KCNJ3: variants seen among roughly 807,000 people sequenced by gnomAD.
KCNJ3 encodes the protein potassium inwardly rectifying channel subfamily J member 3, also known as G protein-activated inward rectifier potassium channel 1.
KCNJ3 carries 4 observed loss-of-function variants against 39.2 expected under a neutral mutation model. That is an observed-to-expected ratio of 0.10 (90% CI 0.05 to 0.23). KCNJ3 has a LOEUF of 0.23. Ranked by LOEUF, KCNJ3 falls within the 10% of genes least tolerant of loss-of-function variation. The probability of loss-of-function intolerance (pLI) is 1.00; values close to 1 mark genes in which losing one functional copy is unlikely to be tolerated. For missense variants in KCNJ3, 276 were observed against 634.9 expected (o/e 0.43, Z 6.08); for synonymous variants, 230 against 237.4 (o/e 0.97, Z 0.29).
intron 2 of KCNJ3, among the ~76,000 whole-genome samples, chr2:154,742,551 T>C (rs1401781736): frequency 1.3e-5 from 2 of 151,898 alleles, no homozygotes; most frequent in Non-Finnish European, 2.9e-5. Flanking sequence ...ATTGTCTGTT[T>C]TGATACTAGC....
At chr2:154,740,697 A>G (rs1430608863) in intron 2 of KCNJ3, among the ~76,000 whole-genome samples, 1 of 152,048 alleles carries the variant, frequency 6.6e-6, no homozygotes, top group Non-Finnish European at 1.5e-5. Flanking sequence ...TCTCCTTTCT[A>G]TATTTTTTGG....
At chr2:154,765,909 C>G (rs1686125324) in intron 2 of KCNJ3, among the ~76,000 whole-genome samples, 1 of 152,120 alleles carries the variant, frequency 6.6e-6, no homozygotes, top group South Asian at 2.1e-4. Context: ...AAAAATCAAT[C>G]TGGAACAGAA....
In KCNJ3 at chr2:154,857,736, C is replaced by T. The variant is rs945298319; in HGVS notation, c.*2423C>T. 6.6e-6 allele frequency: 1 copy of T among 151,224 alleles called. No homozygotes were observed. The highest frequency in any genetic ancestry group is 1.5e-5 in the Non-Finnish European group (1 of 67,852). The allele number at this position is 151,224 out of a possible 1,614,324, so 9.4% of individuals were successfully genotyped here. On this transcript the variant is annotated 3_prime_UTR_variant, in exon 3 of 3. Coordinates refer to ENST00000295101, the MANE Select transcript of KCNJ3 (RefSeq NM_002239.4). ...TCTCTACTAAAAATACAAAAATTAA[C>T]TGGGCATGGTGGCAGGCACCTGTAA... is the stretch of plus-strand genomic sequence containing the variant.
chr2:154,775,007 C>T (rs1488294835), intron 2 of KCNJ3, among the ~76,000 whole-genome samples: 1 of 152,174 alleles, frequency 6.6e-6, no homozygotes, highest in Non-Finnish European at 1.5e-5. Flanking sequence ...CTCTCTACCT[C>T]CTTGGCTCAA....
At chr2:154,783,056 T>C (rs1185591314) in intron 2 of KCNJ3, among the ~76,000 whole-genome samples, 1 of 152,062 alleles carries the variant, frequency 6.6e-6, no homozygotes, top group Non-Finnish European at 1.5e-5. Flanking sequence ...TGGGCACCTG[T>C]ATTCCCAGCT....
intron 2 of KCNJ3, among the ~76,000 whole-genome samples, chr2:154,790,199 G>A (rs745729406): frequency 1.4e-4 from 22 of 152,016 alleles, no homozygotes; most frequent in Non-Finnish European, 1.2e-4. Flanking sequence ...ATTATTCAAC[G>A]TAAAGCAGAG....
At chr2:154,744,869 A>G (rs539912415) in intron 2 of KCNJ3, among the ~76,000 whole-genome samples, 4 of 152,006 alleles carry the variant, frequency 2.6e-5, no homozygotes, top group African/African-American at 7.2e-5. Context: ...ATATAGTGCT[A>G]TAAGTTTCCA....
At chr2:154,809,356 C>T (rs1441821918) in intron 2 of KCNJ3, among the ~76,000 whole-genome samples, 5 of 152,120 alleles carry the variant, frequency 3.3e-5, no homozygotes, top group East Asian at 1.9e-4. Flanking sequence ...TATTTCATTA[C>T]GGAGAAAACT....
intron 2 of KCNJ3, among the ~76,000 whole-genome samples, chr2:154,758,570 T>C (rs1003304027): frequency 6.6e-6 from 1 of 152,198 alleles, no homozygotes; most frequent in Non-Finnish European, 1.5e-5. Context: ...AAAATGTCCT[T>C]ACATGTTCAG....
rs1687817339 is a variant in KCNJ3, at chr2:154,855,276, C to G, written c.1469C>G (p.Ala490Gly). The change falls in exon 3 of 3, where the codon GCC becomes GGC. Residue 490 changes from alanine to glycine, a missense_variant. Physicochemically the swap from Ala to Gly is moderately conservative, Grantham distance 60. Transcript: ENST00000295101. ...GAARMEGNLPAKLRKMNSDRF... is the reference protein window; with the variant it reads ...GAARMEGNLPGKLRKMNSDRF... Reference sequence around the variant, plus strand: ...GCTAGGATGGAAGGGAACCTTCCAGCCAAATTAAGAAAAATGAACTCTGAT... The same window carrying G: ...GCTAGGATGGAAGGGAACCTTCCAGGCAAATTAAGAAAAATGAACTCTGAT... 6.2e-7 allele frequency: 1 copy of G among 1,608,140 alleles called. No individual in the cohort carries two copies. The highest frequency in any genetic ancestry group is 8.5e-7 in the Non-Finnish European group (1 of 1,178,360).
At chr2:154,756,693 T>C (rs1001108549) in intron 2 of KCNJ3, among the ~76,000 whole-genome samples, 2 of 152,068 alleles carry the variant, frequency 1.3e-5, no homozygotes, top group Non-Finnish European at 2.9e-5. Context: ...CAAACCACCA[T>C]GGCACGTGTA....
chr2:154,809,702 C>T (rs1475633647), intron 2 of KCNJ3, among the ~76,000 whole-genome samples: 1 of 152,112 alleles, frequency 6.6e-6, no homozygotes, highest in East Asian at 1.9e-4. Context: ...GTCATGTACT[C>T]ATATAGAGCA....
At chr2:154,798,214 ACACACACG>A (rs771325164) in intron 2 of KCNJ3, among the ~76,000 whole-genome samples, 5,254 of 131,164 alleles carry the variant, frequency 0.04, 119 homozygotes, top group Middle Eastern at 0.066. Context: ...ACACACACAC[ACACACACG>A]CACAGAGTCT....
chr2:154,700,822 G>T (rs1684881453), intron 1 of KCNJ3, among the ~76,000 whole-genome samples: 1 of 152,126 alleles, frequency 6.6e-6, no homozygotes, highest in African/African-American at 2.4e-5. Context: ...TTAAATTAAA[G>T]CAGTTCACTT....
Position 154,856,442 on chromosome 2 carries a change from A to ATATT in KCNJ3, c.*1133_*1136dup, listed in dbSNP as rs748054729. The ATATT allele has an allele frequency of 2.6e-5, 4 of 152,528 alleles. No individual in the cohort carries two copies. Among genetic ancestry groups the ATATT allele is most frequent in the Admixed American group, 6.5e-5 (1 of 15,276 alleles). The allele number at this position is 152,528 out of a possible 1,614,324, so 9.4% of individuals were successfully genotyped here. Reference sequence around the variant, plus strand: ...GACAATGCAATGAAACAGATGATAAATATTTATGCTTAAAATATGTATGTC... The same window carrying ATATT: ...GACAATGCAATGAAACAGATGATAAATATTTATTTATGCTTAAAATATGTATGTC... On this transcript the variant is annotated 3_prime_UTR_variant, in exon 3 of 3. Coordinates refer to ENST00000295101, the MANE Select transcript of KCNJ3 (RefSeq NM_002239.4).
chr2:154,774,977 C>T (rs980661994), intron 2 of KCNJ3, among the ~76,000 whole-genome samples: 5 of 152,130 alleles, frequency 3.3e-5, no homozygotes, highest in Non-Finnish European at 4.4e-5. Flanking sequence ...TGCAGTGGCA[C>T]GATCATGGCT....
intron 2 of KCNJ3, among the ~76,000 whole-genome samples, chr2:154,743,206 A>G (rs972576610): frequency 6.6e-6 from 1 of 151,770 alleles, no homozygotes; most frequent in African/African-American, 2.4e-5. Flanking sequence ...TGGGCTCTTT[A>G]TTCTATTCCA....
intron 2 of KCNJ3, among the ~76,000 whole-genome samples, chr2:154,765,055 C>CG (rs1686109045): frequency 6.6e-6 from 1 of 152,080 alleles, no homozygotes; most frequent in Non-Finnish European, 1.5e-5. Flanking sequence ...GGTAGTTTGT[C>CG]GGGGGGAAAG....
At chr2:154,802,287 C>T (rs1218600916) in intron 2 of KCNJ3, among the ~76,000 whole-genome samples, 1 of 151,090 alleles carries the variant, frequency 6.6e-6, no homozygotes, top group Non-Finnish European at 1.5e-5. Context: ...CTGTAATGTT[C>T]CATAGATGGG....
Sources: allele counts gnomAD v4.1 joint callset (sites outside exome capture counted in the v4.1 genomes callset), GRCh38; gene constraint gnomAD v4.1.1; transcripts MANE v1.5; gene names NCBI Gene and HGNC (gene_info 2026-07-23, HGNC 2026-07-21).